The following SPIDR variants were observed in gnomAD, a reference collection of about 807,000 sequenced individuals.
The protein encoded by SPIDR is scaffold protein involved in DNA repair.
In SPIDR, 93 loss-of-function variants were observed where a neutral mutation model predicts 104.6. The ratio of observed to expected loss-of-function variants is 0.89; its 90% CI spans 0.75 to 1.06. The LOEUF (loss-of-function observed/expected upper bound fraction) is 1.06. Ranked by LOEUF, SPIDR falls within the 50% of genes least tolerant of loss-of-function variation. The pLI is 0.00. For synonymous variants in SPIDR, 431 were observed against 416.9 expected (o/e 1.03, Z -0.41); for missense variants, 1,154 against 1,111.2 (o/e 1.04, Z -0.55).
At chr8:47,314,678 G>A (rs1445964445) in intron 5 of SPIDR, among the ~76,000 whole-genome samples, 3 of 152,124 alleles carry the variant, frequency 2.0e-5, no homozygotes, top group Admixed American at 6.6e-5. Flanking sequence ...TCCCTTCCAC[G>A]ACGTGTGAGG....
intron 7 of SPIDR, among the ~76,000 whole-genome samples, chr8:47,437,626 A>G (rs1392503555): frequency 6.6e-6 from 1 of 152,104 alleles, no homozygotes; most frequent in Non-Finnish European, 1.5e-5. Flanking sequence ...CAGCCAAAAA[A>G]CACATGAAAA....
intron 10 of SPIDR, among the ~76,000 whole-genome samples, chr8:47,617,341 A>C (rs946701787): frequency 2.0e-5 from 3 of 152,212 alleles, no homozygotes; most frequent in Non-Finnish European, 4.4e-5. Flanking sequence ...TGTGACATAG[A>C]CAACAACATC....
chr8:47,467,496 C>A (rs1406411670), intron 8 of SPIDR, among the ~76,000 whole-genome samples: 3 of 152,154 alleles, frequency 2.0e-5, no homozygotes, highest in Admixed American at 1.3e-4. Flanking sequence ...CGCAACACAT[C>A]AAAAAGCTTA....
intron 8 of SPIDR, among the ~76,000 whole-genome samples, chr8:47,502,764 A>G (rs376037725): frequency 4.6e-5 from 7 of 151,984 alleles, no homozygotes; most frequent in East Asian, 1.9e-4. Flanking sequence ...GCTTTCTCTT[A>G]TGGGCATTTA....
intron 15 of SPIDR, 46 bp downstream of exon 15, chr8:47,712,918 T>G: frequency 1.9e-6 from 3 of 1,609,556 alleles, no homozygotes; most frequent in Non-Finnish European, 2.5e-6. Flanking sequence ...GACTGATCCG[T>G]GCCCATAGAA....
chr8:47,555,453 G>C (rs949043143), intron 8 of SPIDR, among the ~76,000 whole-genome samples: 1 of 152,202 alleles, frequency 6.6e-6, no homozygotes, highest in African/African-American at 2.4e-5. Flanking sequence ...TTCTACAGAA[G>C]AAACTGGGAG....
chr8:47,291,918 C>A (rs1360457278), intron 4 of SPIDR, among the ~76,000 whole-genome samples: 7 of 152,186 alleles, frequency 4.6e-5, no homozygotes, highest in African/African-American at 1.4e-4. Context: ...ACACTCTTGA[C>A]ATTTTGGGCC....
At chr8:47,531,496 C>T (rs1019475882) in intron 8 of SPIDR, among the ~76,000 whole-genome samples, 2 of 152,170 alleles carry the variant, frequency 1.3e-5, no homozygotes, top group African/African-American at 4.8e-5. Context: ...TGCTTATAAG[C>T]AGAGAATACA....
At chr8:47,647,047 G>A (rs1176115856) in intron 10 of SPIDR, among the ~76,000 whole-genome samples, 2 of 152,120 alleles carry the variant, frequency 1.3e-5, no homozygotes, top group Non-Finnish European at 2.9e-5. Context: ...GAAAATAGAA[G>A]CAACCTAAAT....
At chr8:47,362,038 C>T (rs782572163) in intron 5 of SPIDR, among the ~76,000 whole-genome samples, 7 of 152,182 alleles carry the variant, frequency 4.6e-5, no homozygotes, top group African/African-American at 9.7e-5. Flanking sequence ...CCCAGCACAG[C>T]GTACTGGTGG....
intron 8 of SPIDR, among the ~76,000 whole-genome samples, chr8:47,490,688 C>T (rs1029595382): frequency 2.0e-5 from 3 of 152,146 alleles, no homozygotes; most frequent in Non-Finnish European, 4.4e-5. Context: ...GAGTTCATGT[C>T]CTTTGTAGGG....
At chr8:47,420,012 C>T (rs2065123990) in intron 7 of SPIDR, among the ~76,000 whole-genome samples, 1 of 152,036 alleles carries the variant, frequency 6.6e-6, no homozygotes, top group African/African-American at 2.4e-5. Flanking sequence ...TTTTACATTT[C>T]CTGAGGAGTG....
At position 47,440,326 on chromosome 8, in the gene SPIDR, G is replaced by C. The variant is rs200598685; in HGVS notation, c.881G>C (p.Arg294Thr). The C allele has an allele frequency of 1.2e-6, 2 of 1,613,786 alleles. No homozygotes were observed. The highest frequency in any genetic ancestry group is 1.7e-6 in the Non-Finnish European group (2 of 1,179,722). ...CISYQKTLSG[R>T]KSGVLTVKIL... ...TGTTCTTTTCTTCAACTTCTAGGTA[G>C]AAAATCTGGTGTATTAACTGTGAAA... The change falls in exon 8 of 20, where the codon AGA (arginine) becomes ACA (threonine). Residue 294 changes from arginine to threonine, a missense_variant. Physicochemically the swap from Arg to Thr is moderately conservative, Grantham distance 71. Coordinates refer to ENST00000297423, the MANE Select transcript of SPIDR (RefSeq NM_001080394.4).
At chr8:47,485,963 G>A (rs1554730876) in intron 8 of SPIDR, among the ~76,000 whole-genome samples, 1 of 152,330 alleles carries the variant, frequency 6.6e-6, no homozygotes, top group Non-Finnish European at 1.5e-5. Flanking sequence ...CTAAAGGAAT[G>A]CAGCTCCTCG....
chr8:47,704,248 T>C (rs2080754170), intron 14 of SPIDR, among the ~76,000 whole-genome samples: 1 of 152,268 alleles, frequency 6.6e-6, no homozygotes, highest in African/African-American at 2.4e-5. Flanking sequence ...TTTTTTATTA[T>C]CAATACTTCA....
At chr8:47,309,657 C>T (rs2043756541) in intron 5 of SPIDR, among the ~76,000 whole-genome samples, 2 of 152,120 alleles carry the variant, frequency 1.3e-5, no homozygotes, top group African/African-American at 4.8e-5. Context: ...CTTTTCATTT[C>T]CCAAATACTT....
chr8:47,412,741 A>G (rs1185650728), intron 7 of SPIDR, among the ~76,000 whole-genome samples: 1 of 152,200 alleles, frequency 6.6e-6, no homozygotes, highest in Non-Finnish European at 1.5e-5. Context: ...TCCTATTTAT[A>G]AGTATTTGCA....
At chr8:47,369,546 A>G (rs572406430) in intron 5 of SPIDR, among the ~76,000 whole-genome samples, 29 of 152,192 alleles carry the variant, frequency 1.9e-4, no homozygotes, top group African/African-American at 5.1e-4. Flanking sequence ...TTGGGTGCCT[A>G]TGTTTTTATC....
chr8:47,465,317 T>C (rs1376947814), intron 8 of SPIDR, among the ~76,000 whole-genome samples: 4 of 152,146 alleles, frequency 2.6e-5, no homozygotes, highest in African/African-American at 9.7e-5. Context: ...CAAGTCTACA[T>C]AATAACCAAC....
Sources: allele counts gnomAD v4.1 joint callset (sites outside exome capture counted in the v4.1 genomes callset), GRCh38; gene constraint gnomAD v4.1.1; transcripts MANE v1.5; gene names NCBI Gene and HGNC (gene_info 2026-07-23, HGNC 2026-07-21).